The following PLCL1 variants were observed in gnomAD, a reference collection of about 807,000 sequenced individuals.
The protein encoded by PLCL1 is inactive phospholipase C-like protein 1.
Under a neutral mutation model 84.4 loss-of-function variants are expected in PLCL1, and 41 were observed. The observed-to-expected ratio is 0.49, with a 90% CI of 0.38 to 0.63. PLCL1 has a LOEUF of 0.63. Among genes scored for constraint, PLCL1 ranks in the 30% least tolerant of loss-of-function variants. PLCL1 has a pLI of 0.00. For missense variants in PLCL1, 1,206 were observed against 1,367.8 expected, an observed-to-expected ratio of 0.88 and a Z score of 1.87; for synonymous variants, 490 against 488.3, an observed-to-expected ratio of 1.00 and a Z score of -0.05.
At chr2:198,010,538 G>A (rs1318686685) in intron 1 of PLCL1, among the ~76,000 whole-genome samples, 1 of 151,814 alleles carries the variant, frequency 6.6e-6, no homozygotes, top group Non-Finnish European at 1.5e-5. Flanking sequence ...TGATCAACGT[G>A]TGCTTGAATT....
rs1209223648 is a variant in PLCL1, at chr2:198,085,665, T to G, written c.2148T>G (p.Pro716=). The stretch of plus-strand genomic sequence containing the variant: ...GCGCAAATACAAAGGGCATTCTACC[T>G]GGGGTGTCTCCTCTAGCTCTTCATA... ...YFSANTKGIL[P]GVSPLALHIK... is the part of the protein sequence containing the mutation. The change falls in exon 2 of 6, where the codon CCT becomes CCG. Residue 716 remains proline, a synonymous_variant. Transcript: ENST00000428675. The surrounding 1 kb of genome is among the most constrained non-coding windows in gnomAD (Gnocchi z 5.3). 1.9e-6 allele frequency: 3 copies of G among 1,614,010 alleles called. No individual in the cohort carries two copies. In the South Asian group the frequency reaches 3.3e-5, roughly 18 times the overall value.
intron 1 of PLCL1, among the ~76,000 whole-genome samples, chr2:198,064,409 C>T (rs1015812026): frequency 2.0e-5 from 3 of 152,132 alleles, no homozygotes; most frequent in Admixed American, 6.5e-5. Flanking sequence ...TCATTTCTAT[C>T]CTGTCTTAGG....
At chr2:198,123,279 C>G (rs1693913148) in intron 5 of PLCL1, among the ~76,000 whole-genome samples, 1 of 152,004 alleles carries the variant, frequency 6.6e-6, no homozygotes, top group South Asian at 2.1e-4. Context: ...AGTCCACTTG[C>G]AACAGAGATT....
At chr2:198,005,220 A>T (rs2105824405) in intron 1 of PLCL1, among the ~76,000 whole-genome samples, 2 of 152,296 alleles carry the variant, frequency 1.3e-5, no homozygotes, top group Middle Eastern at 6.8e-3. Flanking sequence ...GTGCTAAGTG[A>T]TAGGGGCAGT....
intron 1 of PLCL1, among the ~76,000 whole-genome samples, chr2:197,819,016 G>A (rs1289043071): frequency 6.6e-6 from 1 of 152,128 alleles, no homozygotes; most frequent in East Asian, 1.9e-4. Flanking sequence ...TGGGGAAGAA[G>A]GGCACTATAG....
intron 5 of PLCL1, among the ~76,000 whole-genome samples, chr2:198,146,061 A>C (rs1027169662): frequency 6.6e-6 from 1 of 152,168 alleles, no homozygotes; most frequent in Non-Finnish European, 1.5e-5. Context: ...CTAAAATAAG[A>C]AATAAAAATA....
intron 2 of PLCL1, among the ~76,000 whole-genome samples, chr2:198,087,947 G>C (rs1692925859): frequency 6.6e-6 from 1 of 152,062 alleles, no homozygotes; most frequent in African/African-American, 2.4e-5. Flanking sequence ...GGTTGTCTTA[G>C]CCACCATTTA....
intron 1 of PLCL1, among the ~76,000 whole-genome samples, chr2:197,896,795 A>G (rs1408323007): frequency 6.6e-6 from 1 of 151,944 alleles, no homozygotes; most frequent in Non-Finnish European, 1.5e-5. Flanking sequence ...TTTTTTCCAG[A>G]TAGAATTTGT....
intron 1 of PLCL1, among the ~76,000 whole-genome samples, chr2:197,864,532 G>A (rs1279284106): frequency 6.7e-6 from 1 of 149,516 alleles, no homozygotes; most frequent in African/African-American, 2.5e-5. Flanking sequence ...CTGGGCAGGA[G>A]TGCAGTGACA....
intron 1 of PLCL1, among the ~76,000 whole-genome samples, chr2:197,975,147 C>CA (rs71015804): frequency 0.4 from 7,894 of 19,840 alleles, 2,265 homozygotes; most frequent in Non-Finnish European, 0.43. Context: ...GACTCCATCT[C>CA]AAAAAAAAAA....
intron 1 of PLCL1, among the ~76,000 whole-genome samples, chr2:197,984,927 C>T (rs1690190047): frequency 6.6e-6 from 1 of 151,216 alleles, no homozygotes; most frequent in African/African-American, 2.4e-5. Context: ...AAAATCCTCA[C>T]TTTCATTATG....
chr2:198,032,728 A>T (rs762794955), intron 1 of PLCL1, among the ~76,000 whole-genome samples: 1 of 152,148 alleles, frequency 6.6e-6, no homozygotes, highest in African/African-American at 2.4e-5. Context: ...TTGAAATTTT[A>T]TTTATTCAGG....
At chr2:197,893,678 C>CAGATAGAAAGAAGATAA (rs1370634117) in intron 1 of PLCL1, among the ~76,000 whole-genome samples, 1 of 149,358 alleles carries the variant, frequency 6.7e-6, no homozygotes, top group Non-Finnish European at 1.5e-5. Context: ...TCTCAGCATG[C>CAGATAGAAAGAAGATAA]AAATTTAAAC....
At chr2:198,048,025 A>G (rs1017555232) in intron 1 of PLCL1, among the ~76,000 whole-genome samples, 2 of 152,224 alleles carry the variant, frequency 1.3e-5, no homozygotes, top group East Asian at 3.8e-4. Flanking sequence ...TAAAAATAAA[A>G]AAAGAGGTCA....
intron 1 of PLCL1, among the ~76,000 whole-genome samples, chr2:198,018,128 G>A (rs984377240): frequency 6.6e-6 from 1 of 152,168 alleles, no homozygotes; most frequent in African/African-American, 2.4e-5. Flanking sequence ...AAGTGCAAGG[G>A]GTTGGGGAAC....
At chr2:197,947,116 C>T (rs1689290696) in intron 1 of PLCL1, among the ~76,000 whole-genome samples, 2 of 151,794 alleles carry the variant, frequency 1.3e-5, no homozygotes, top group Non-Finnish European at 2.9e-5. Context: ...CATACGTTTT[C>T]ATGGAGCTTA....
intron 1 of PLCL1, among the ~76,000 whole-genome samples, chr2:197,868,512 T>C (rs1262452374): frequency 6.6e-6 from 1 of 152,156 alleles, no homozygotes; most frequent in African/African-American, 2.4e-5. Context: ...TTTACACTTT[T>C]TTTTTAAAGA....
intron 1 of PLCL1, among the ~76,000 whole-genome samples, chr2:197,989,339 G>C (rs1257197651): frequency 6.6e-6 from 1 of 152,158 alleles, no homozygotes; most frequent in Non-Finnish European, 1.5e-5. Context: ...CCCATGTTAA[G>C]TTAATGTTTT....
intron 1 of PLCL1, among the ~76,000 whole-genome samples, chr2:198,073,206 C>T (rs1053445830): frequency 6.6e-6 from 1 of 152,042 alleles, no homozygotes; most frequent in Admixed American, 6.6e-5. Flanking sequence ...AAAAACTATG[C>T]TTATGTAGTT....
Sources: gnomAD v4.1 joint callset for allele counts (sites outside exome capture counted in the v4.1 genomes callset) on GRCh38, gnomAD v4.1.1 for gene constraint, Gnocchi (gnomAD v3.1) non-coding constraint, MANE v1.5 for transcripts, NCBI Gene and HGNC (gene_info 2026-07-23, HGNC 2026-07-21) for gene names.